The following ERC2 variants were observed in gnomAD, a reference collection of about 807,000 sequenced individuals.
ERC2 encodes the protein ERC protein 2.
In ERC2, 42 loss-of-function variants were observed where a neutral mutation model predicts 114.8. That is an observed-to-expected ratio of 0.37 (90% CI 0.29 to 0.47). The LOEUF is 0.47. Ranked by LOEUF, ERC2 falls within the 20% of genes least tolerant of loss-of-function variation. The pLI is 0.99. For missense variants in ERC2, 939 were observed against 1,150.7 expected, an observed-to-expected ratio of 0.82 and a Z score of 2.66; for synonymous variants, 454 against 425.5, an observed-to-expected ratio of 1.07 and a Z score of -0.82.
intron 3 of ERC2, among the ~76,000 whole-genome samples, chr3:56,286,929 T>A (rs1045061626): frequency 5.9e-5 from 9 of 152,234 alleles, no homozygotes; most frequent in African/African-American, 2.2e-4. Context: ...ATTATATTTT[T>A]CCTTTAGTGA....
At chr3:55,821,404 T>C (rs982717895) in intron 14 of ERC2, among the ~76,000 whole-genome samples, 1 of 152,224 alleles carries the variant, frequency 6.6e-6, no homozygotes, top group Non-Finnish European at 1.5e-5. Context: ...AATCGCTAGA[T>C]GTGAAGGGGC....
intron 14 of ERC2, among the ~76,000 whole-genome samples, chr3:55,811,958 A>T (rs995735890): frequency 6.6e-6 from 1 of 152,164 alleles, no homozygotes; most frequent in Admixed American, 6.6e-5. Flanking sequence ...CTATCAGCCC[A>T]TCACCTAGGT....
At chr3:55,926,628 T>C (rs191088749) in intron 13 of ERC2, among the ~76,000 whole-genome samples, 32 of 152,258 alleles carry the variant, frequency 2.1e-4, no homozygotes, top group Non-Finnish European at 1.6e-4. Context: ...ACTAGCAAAC[T>C]GCATTCCGTG....
chr3:55,720,609 T>G (rs1015810200), intron 15 of ERC2, among the ~76,000 whole-genome samples: 7 of 152,090 alleles, frequency 4.6e-5, no homozygotes, highest in African/African-American at 1.7e-4. Flanking sequence ...AAGACAATGT[T>G]TGCTCATTCT....
At chr3:55,670,755 T>C (rs1210661089) in intron 17 of ERC2, among the ~76,000 whole-genome samples, 1 of 152,122 alleles carries the variant, frequency 6.6e-6, no homozygotes, top group Non-Finnish European at 1.5e-5. Context: ...AATGGCCCAA[T>C]AGGTCAAATT....
chr3:56,245,360 G>A (rs533273928), intron 3 of ERC2, among the ~76,000 whole-genome samples: 8 of 152,022 alleles, frequency 5.3e-5, no homozygotes, highest in African/African-American at 1.7e-4. Context: ...GATCATTTTG[G>A]GAAATACAGA....
intron 14 of ERC2, among the ~76,000 whole-genome samples, chr3:55,844,132 A>G (rs1207435591): frequency 1.3e-5 from 2 of 152,202 alleles, no homozygotes; most frequent in Non-Finnish European, 2.9e-5. Flanking sequence ...TTCATGCAAT[A>G]TGTGGCATAT....
At chr3:55,781,651 C>T (rs751421435) in intron 14 of ERC2, among the ~76,000 whole-genome samples, 2 of 151,842 alleles carry the variant, frequency 1.3e-5, no homozygotes, top group Non-Finnish European at 2.9e-5. Context: ...GGGGGTGGAT[C>T]ACCTGAGGTC....
chr3:55,794,039 A>T (rs2070274014), intron 14 of ERC2, among the ~76,000 whole-genome samples: 1 of 152,232 alleles, frequency 6.6e-6, no homozygotes, highest in Non-Finnish European at 1.5e-5. Flanking sequence ...ATATGGAAAT[A>T]AAAACTAGTA....
At chr3:55,947,379 T>C (rs2067191555) in intron 13 of ERC2, among the ~76,000 whole-genome samples, 1 of 152,230 alleles carries the variant, frequency 6.6e-6, no homozygotes, top group Non-Finnish European at 1.5e-5. Context: ...ATAGACTGAA[T>C]GATTGGCCTC....
chr3:56,346,707 A>G (rs1296590386), intron 2 of ERC2, among the ~76,000 whole-genome samples: 3 of 152,218 alleles, frequency 2.0e-5, no homozygotes, highest in Admixed American at 6.5e-5. Context: ...GTCTTAGTCT[A>G]TTTGCTGTTG....
intron 14 of ERC2, among the ~76,000 whole-genome samples, chr3:55,839,649 A>G (rs2061045847): frequency 6.6e-6 from 1 of 151,962 alleles, no homozygotes; most frequent in Admixed American, 6.6e-5. Flanking sequence ...TTAAAGATAC[A>G]TATTATAAAT....
In ERC2 at chr3:56,285,011, T is replaced by A. The variant is rs200289871; in HGVS notation, c.1074+11008A>T. ...CTGTCTCTCTCTCTCTCTCTCTCTC[T>A]CACACACACACACACACACATACAC... is the stretch of plus-strand genomic sequence containing the variant. On this transcript the variant is annotated intron_variant, in intron 3 of 17. Coordinates refer to ENST00000288221, the MANE Select transcript of ERC2 (RefSeq NM_015576.3). Among the ~76,000 whole-genome samples the A allele has an allele frequency of 7.3e-3, 696 of 95,708 alleles. 6 individuals are homozygous for A. Among genetic ancestry groups the A allele is most frequent in the African/African-American group, 0.02 (578 of 29,032 alleles). The allele number at this position is 95,708 out of a possible 152,430, so 62.8% of individuals were successfully genotyped here. A position where few individuals can be genotyped will look rare whatever the true frequency, so the allele number is the denominator to read the frequency against.
At chr3:55,615,314 T>C (rs1363792972) in intron 17 of ERC2, among the ~76,000 whole-genome samples, 1 of 152,242 alleles carries the variant, frequency 6.6e-6, no homozygotes, top group Non-Finnish European at 1.5e-5. Context: ...ATGGTTAACA[T>C]ATCAGATTTC....
intron 14 of ERC2, among the ~76,000 whole-genome samples, chr3:55,747,070 T>C (rs556247267): frequency 1.3e-5 from 2 of 152,284 alleles, no homozygotes; most frequent in South Asian, 4.2e-4. Context: ...ATAATCTATA[T>C]TCAGAAAAGG....
chr3:55,595,260 A>G (rs1417240465), intron 17 of ERC2, among the ~76,000 whole-genome samples: 1 of 152,230 alleles, frequency 6.6e-6, no homozygotes, highest in Non-Finnish European at 1.5e-5. Flanking sequence ...AGATTGAGGT[A>G]AAAAAGACAT....
At chr3:56,269,295 T>C (rs1431194746) in intron 3 of ERC2, among the ~76,000 whole-genome samples, 16 of 152,194 alleles carry the variant, frequency 1.1e-4, no homozygotes, top group Admixed American at 1.0e-3. Context: ...TCACAAGCTT[T>C]ATTTCACCAG....
chr3:55,564,241 A>G (rs2056221795), intron 17 of ERC2, among the ~76,000 whole-genome samples: 2 of 152,210 alleles, frequency 1.3e-5, no homozygotes, highest in Non-Finnish European at 2.9e-5. Context: ...ATTCTGCTGG[A>G]GAGGAAGGTG....
chr3:56,071,324 G>A (rs1012416677), intron 7 of ERC2, among the ~76,000 whole-genome samples: 1 of 152,176 alleles, frequency 6.6e-6, no homozygotes, highest in Non-Finnish European at 1.5e-5. Flanking sequence ...CTTGAGTACA[G>A]CCCAGGCTCT....
Sources: gnomAD v4.1 joint callset for allele counts (sites outside exome capture counted in the v4.1 genomes callset) on GRCh38, gnomAD v4.1.1 for gene constraint, MANE v1.5 for transcripts, NCBI Gene and HGNC (gene_info 2026-07-23, HGNC 2026-07-21) for gene names.